PTPRT: variants seen among roughly 807,000 people sequenced by gnomAD.
PTPRT encodes the protein protein tyrosine phosphatase receptor type T.
PTPRT carries 56 observed loss-of-function variants against 176.8 expected under a neutral mutation model. That is an observed-to-expected ratio of 0.32 (90% CI 0.26 to 0.40). PTPRT has a LOEUF of 0.40. Ranked by LOEUF, PTPRT falls within the 10% of genes least tolerant of loss-of-function variation. PTPRT has a pLI of 1.00. For missense variants in PTPRT, 1,540 were observed against 1,908.2 expected (o/e 0.81, Z 3.60); for synonymous variants, 783 against 739.0 (o/e 1.06, Z -0.96).
At chr20:42,347,737 C>T (rs1418066855) in intron 11 of PTPRT, among the ~76,000 whole-genome samples, 1 of 152,208 alleles carries the variant, frequency 6.6e-6, no homozygotes, top group Non-Finnish European at 1.5e-5. Context: ...GCCTATAAAA[C>T]CTGTCCCCGC....
At chr20:42,762,379 AC>A (rs1469704142) in intron 5 of PTPRT, among the ~76,000 whole-genome samples, 1 of 152,128 alleles carries the variant, frequency 6.6e-6, no homozygotes, top group African/African-American at 2.4e-5. Flanking sequence ...TGCTGACTTT[AC>A]CCTGGGTCTC....
At chr20:42,934,683 G>A (rs751393120) in intron 1 of PTPRT, among the ~76,000 whole-genome samples, 11 of 152,116 alleles carry the variant, frequency 7.2e-5, no homozygotes, top group African/African-American at 1.9e-4. Context: ...TGTGAGTGTC[G>A]CTATAGAGTG....
At chr20:42,215,215 C>A (rs2146759588) in intron 15 of PTPRT, among the ~76,000 whole-genome samples, 1 of 152,274 alleles carries the variant, frequency 6.6e-6, no homozygotes, top group South Asian at 2.1e-4. Flanking sequence ...GATGGCCCCT[C>A]TGTTCTTGGT....
chr20:42,603,765 ACAAGAATGACATTTCTTCTT>A (rs1434598691), intron 7 of PTPRT, among the ~76,000 whole-genome samples: 2 of 152,190 alleles, frequency 1.3e-5, no homozygotes, highest in Non-Finnish European at 2.9e-5. Context: ...CCATAGACGG[ACAAGAATGACATTTCTTCTT>A]TATCCCCGTA....
At chr20:42,381,843 T>C (rs1348850082) in intron 9 of PTPRT, among the ~76,000 whole-genome samples, 2 of 152,186 alleles carry the variant, frequency 1.3e-5, no homozygotes, top group African/African-American at 4.8e-5. Context: ...ACAGAAAACC[T>C]GATACGATTC....
At chr20:42,771,890 CTG>C (rs1278056468) in intron 4 of PTPRT, among the ~76,000 whole-genome samples, 1 of 152,198 alleles carries the variant, frequency 6.6e-6, no homozygotes, top group African/African-American at 2.4e-5. Flanking sequence ...GATCTGTGCT[CTG>C]TGAAATTGGC....
chr20:42,557,810 A>G (rs1050391433), intron 7 of PTPRT, among the ~76,000 whole-genome samples: 2 of 152,210 alleles, frequency 1.3e-5, no homozygotes, highest in Non-Finnish European at 2.9e-5. Context: ...GATAAGCCCA[A>G]TAGCCCAGCT....
At chr20:42,794,546 A>G (rs2077425425) in intron 2 of PTPRT, among the ~76,000 whole-genome samples, 1 of 152,202 alleles carries the variant, frequency 6.6e-6, no homozygotes, top group African/African-American at 2.4e-5. Context: ...AGAGCTCAAG[A>G]GCCTAGGAGA....
intron 15 of PTPRT, among the ~76,000 whole-genome samples, chr20:42,224,769 T>C (rs1048467425): frequency 2.0e-5 from 3 of 152,174 alleles, no homozygotes; most frequent in Admixed American, 6.6e-5. Context: ...CTCCCGCAAA[T>C]ACACCAACTC....
chr20:42,515,413 G>A (rs1601169913), intron 7 of PTPRT, among the ~76,000 whole-genome samples: 1 of 152,178 alleles, frequency 6.6e-6, no homozygotes, highest in African/African-American at 2.4e-5. Context: ...AACTCAGGAG[G>A]GTGTGGTTGC....
intron 1 of PTPRT, among the ~76,000 whole-genome samples, chr20:43,025,744 T>G (rs576424324): frequency 1.4e-4 from 21 of 152,292 alleles, no homozygotes; most frequent in South Asian, 4.1e-4. Flanking sequence ...CACAAAAAAT[T>G]TTCTTCTGGC....
At chr20:43,087,168 CTTTTCCAGAATGT>C (rs2011631149) in intron 1 of PTPRT, among the ~76,000 whole-genome samples, 1 of 151,996 alleles carries the variant, frequency 6.6e-6, no homozygotes, top group South Asian at 2.1e-4. Flanking sequence ...ATAGTTTTTT[CTTTTCCAGAATGT>C]CACAGAAATG....
chr20:42,298,963 TAA>T (rs966952506), intron 12 of PTPRT, among the ~76,000 whole-genome samples: 2 of 147,338 alleles, frequency 1.4e-5, no homozygotes, highest in African/African-American at 5.0e-5. Flanking sequence ...TGTGCAGCTG[TAA>T]AAAAAAAATA....
At chr20:43,009,314 G>A (rs1020082485) in intron 1 of PTPRT, among the ~76,000 whole-genome samples, 4 of 152,176 alleles carry the variant, frequency 2.6e-5, no homozygotes, top group Non-Finnish European at 5.9e-5. Flanking sequence ...AGCCCTGTGA[G>A]AGAATCTGAA....
intron 18 of PTPRT, among the ~76,000 whole-genome samples, chr20:42,139,469 T>A (rs1207147556): frequency 6.6e-6 from 1 of 150,934 alleles, no homozygotes; most frequent in African/African-American, 2.4e-5. Flanking sequence ...TAAGGGTGAG[T>A]TTTCAAGCCC....
At chr20:42,148,061 G>A (rs1398553291) in intron 17 of PTPRT, among the ~76,000 whole-genome samples, 1 of 152,140 alleles carries the variant, frequency 6.6e-6, no homozygotes, top group Non-Finnish European at 1.5e-5. Context: ...AGATTGACCA[G>A]GGAATGGTGG....
At chr20:42,487,081 A>G (rs1264149771) in intron 7 of PTPRT, among the ~76,000 whole-genome samples, 1 of 152,160 alleles carries the variant, frequency 6.6e-6, no homozygotes, top group Non-Finnish European at 1.5e-5. Flanking sequence ...TGATCCCCCG[A>G]GGGAGGAAAG....
intron 15 of PTPRT, among the ~76,000 whole-genome samples, chr20:42,235,380 C>T (rs146009304): frequency 0.014 from 2,129 of 152,176 alleles, 50 homozygotes; most frequent in African/African-American, 0.049. Context: ...CCTGCCTCAG[C>T]CTCCTAAGTA....
chr20:42,693,718 G>T (rs2075825874), intron 6 of PTPRT, among the ~76,000 whole-genome samples: 1 of 152,056 alleles, frequency 6.6e-6, no homozygotes, highest in Admixed American at 6.6e-5. Context: ...CAATTCCAGG[G>T]TACTATAGAC....
Sources: gnomAD v4.1 joint callset for allele counts (sites outside exome capture counted in the v4.1 genomes callset) on GRCh38, gnomAD v4.1.1 for gene constraint, MANE v1.5 for transcripts, NCBI Gene and HGNC (gene_info 2026-07-23, HGNC 2026-07-21) for gene names.